The following EPHA3 variants were observed in gnomAD, a reference collection of about 807,000 sequenced individuals.
The protein encoded by EPHA3 is EPH receptor A3.
EPHA3 carries 42 observed loss-of-function variants against 107.1 expected under a neutral mutation model. The ratio of observed to expected loss-of-function variants is 0.39; its 90% CI spans 0.31 to 0.51. The LOEUF (loss-of-function observed/expected upper bound fraction) is 0.51. Among genes scored for constraint, EPHA3 ranks in the 20% least tolerant of loss-of-function variants. The pLI is 0.78. For synonymous variants in EPHA3, 461 were observed against 424.8 expected, an observed-to-expected ratio of 1.09 and a Z score of -1.05; for missense variants, 1,183 against 1,211.2, an observed-to-expected ratio of 0.98 and a Z score of 0.35.
At chr3:89,276,334 G>A (rs1219333602) in intron 3 of EPHA3, among the ~76,000 whole-genome samples, 1 of 152,020 alleles carries the variant, frequency 6.6e-6, no homozygotes, top group African/African-American at 2.4e-5. Flanking sequence ...ACAGAATGAG[G>A]ATGCCTCTGC....
chr3:89,133,865 C>A (rs1193185228), intron 2 of EPHA3, among the ~76,000 whole-genome samples: 4 of 151,982 alleles, frequency 2.6e-5, no homozygotes, highest in Non-Finnish European at 4.4e-5. Flanking sequence ...TTTTTTAATG[C>A]AAGTTTGGCT....
chr3:89,476,962 A>G (rs1447208986), intron 16 of EPHA3, among the ~76,000 whole-genome samples: 1 of 152,068 alleles, frequency 6.6e-6, no homozygotes, highest in African/African-American at 2.4e-5. Flanking sequence ...AACATAGGAT[A>G]TGGTATTGGA....
In EPHA3 at chr3:89,471,743, ATG is replaced by A. The variant is rs1021575884; in HGVS notation, c.2691-711_2691-710del. ...TCTGAGTCTCTGTGTGTGTGTGTGT[ATG>A]TGTGTGTGTATATATATAAAATATT... On this transcript the variant is annotated intron_variant, in intron 15 of 16. Coordinates refer to ENST00000336596, the MANE Select transcript of EPHA3 (RefSeq NM_005233.6). Among the ~76,000 whole-genome samples the A allele has an allele frequency of 5.3e-5, 8 of 151,530 alleles. No homozygotes were observed. The South Asian group carries it at 8.4e-4, about 16-fold the overall frequency.
At chr3:89,126,219 T>G (rs1164001412) in intron 1 of EPHA3, among the ~76,000 whole-genome samples, 3 of 151,782 alleles carry the variant, frequency 2.0e-5, no homozygotes, top group Non-Finnish European at 4.4e-5. Context: ...GCTTAGTTTA[T>G]GTAACCTTCC....
chr3:89,290,032 C>T (rs906849995), intron 3 of EPHA3, among the ~76,000 whole-genome samples: 1 of 152,062 alleles, frequency 6.6e-6, no homozygotes, highest in African/African-American at 2.4e-5. Flanking sequence ...TCTGAATACT[C>T]ACCTGTGTTT....
At chr3:89,382,813 T>C (rs1208663920) in intron 5 of EPHA3, among the ~76,000 whole-genome samples, 1 of 152,108 alleles carries the variant, frequency 6.6e-6, no homozygotes, top group East Asian at 1.9e-4. Context: ...GAGGAAAGGC[T>C]CTGGATTGGT....
chr3:89,451,861 G>A (rs533939693), intron 15 of EPHA3, among the ~76,000 whole-genome samples: 4 of 151,694 alleles, frequency 2.6e-5, no homozygotes, highest in African/African-American at 9.7e-5. Flanking sequence ...TAAGTTATCT[G>A]TTTGAAGATC....
chr3:89,253,994 T>G (rs1228037244), intron 3 of EPHA3, among the ~76,000 whole-genome samples: 1 of 152,040 alleles, frequency 6.6e-6, no homozygotes, highest in Non-Finnish European at 1.5e-5. Context: ...AGAAGCCTCA[T>G]AAATATATCA....
chr3:89,249,724 G>A (rs539073657), intron 3 of EPHA3, among the ~76,000 whole-genome samples: 2 of 152,170 alleles, frequency 1.3e-5, no homozygotes, highest in Non-Finnish European at 2.9e-5. Flanking sequence ...GCCTCCCGAA[G>A]TTCTGGGATT....
intron 2 of EPHA3, among the ~76,000 whole-genome samples, chr3:89,143,588 T>A (rs13326166): frequency 0.23 from 35,206 of 151,472 alleles, 4,224 homozygotes; most frequent in Middle Eastern, 0.32. Context: ...TTTAAAAAAA[T>A]TCTTTTTAAA....
chr3:89,130,766 T>C (rs1458927130), intron 2 of EPHA3, among the ~76,000 whole-genome samples: 1 of 151,900 alleles, frequency 6.6e-6, no homozygotes, highest in Non-Finnish European at 1.5e-5. Context: ...TCCCGAGTAG[T>C]TGGGACTACA....
At chr3:89,231,143 G>T (rs1323993964) in intron 3 of EPHA3, among the ~76,000 whole-genome samples, 10 of 152,038 alleles carry the variant, frequency 6.6e-5, no homozygotes, top group Admixed American at 6.6e-4. Flanking sequence ...GAAATGAATA[G>T]GATAAGTTTA....
At chr3:89,256,231 G>A (rs1316832875) in intron 3 of EPHA3, among the ~76,000 whole-genome samples, 2 of 151,752 alleles carry the variant, frequency 1.3e-5, no homozygotes, top group South Asian at 2.1e-4. Flanking sequence ...TGCCTGGGCA[G>A]TAGAGTGAGA....
At chr3:89,280,342 A>G (rs1705911659) in intron 3 of EPHA3, among the ~76,000 whole-genome samples, 1 of 152,096 alleles carries the variant, frequency 6.6e-6, no homozygotes, top group East Asian at 1.9e-4. Flanking sequence ...ATATATAGAG[A>G]GTATCTCAGA....
intron 3 of EPHA3, among the ~76,000 whole-genome samples, chr3:89,230,789 C>G (rs201062214): frequency 4.1e-3 from 2 of 490 alleles, no homozygotes; most frequent in African/African-American, 6.3e-3. Context: ...ATACATATTT[C>G]TCTCTCTCTC....
chr3:89,278,916 G>A (rs1264274600), intron 3 of EPHA3, among the ~76,000 whole-genome samples: 4 of 152,126 alleles, frequency 2.6e-5, no homozygotes, highest in Non-Finnish European at 4.4e-5. Flanking sequence ...ATTTAAGGGT[G>A]ATTAGAACTG....
chr3:89,191,608 A>C (rs1390488614), intron 2 of EPHA3, among the ~76,000 whole-genome samples: 2 of 152,358 alleles, frequency 1.3e-5, no homozygotes, highest in East Asian at 3.9e-4. Context: ...CAAAGAATAT[A>C]TCTTGTAACA....
intron 6 of EPHA3, among the ~76,000 whole-genome samples, chr3:89,398,393 G>A (rs1279745742): frequency 6.6e-6 from 1 of 152,174 alleles, no homozygotes; most frequent in Non-Finnish European, 1.5e-5. Context: ...AATGTGTCGT[G>A]TGAATCTAAT....
chr3:89,372,667 C>T (rs1181492528), intron 5 of EPHA3, among the ~76,000 whole-genome samples: 1 of 151,724 alleles, frequency 6.6e-6, no homozygotes, highest in Admixed American at 6.6e-5. Flanking sequence ...TCAAATGAAT[C>T]ATCCTTTGGC....
Sources: allele counts gnomAD v4.1 joint callset (sites outside exome capture counted in the v4.1 genomes callset), GRCh38; gene constraint gnomAD v4.1.1; transcripts MANE v1.5; gene names NCBI Gene and HGNC (gene_info 2026-07-23, HGNC 2026-07-21).